SMARCE1: variants seen among roughly 807,000 people sequenced by gnomAD.
SMARCE1 encodes the protein SWI/SNF related BAF chromatin remodeling complex subunit E1.
SMARCE1 carries 13 observed loss-of-function variants against 54.9 expected under a neutral mutation model. The ratio of observed to expected loss-of-function variants is 0.24; its 90% confidence interval spans 0.15 to 0.38. The LOEUF (loss-of-function observed/expected upper bound fraction) is 0.38. SMARCE1 is among the 10% of genes least tolerant of loss of function. The pLI is 1.00. For synonymous variants in SMARCE1, 151 were observed against 175.3 expected, an observed-to-expected ratio of 0.86 and a Z score of 1.10; for missense variants, 295 against 523.8, an observed-to-expected ratio of 0.56 and a Z score of 4.26.
chr17:40,642,509 G>A lies in SMARCE1; in HGVS notation c.102C>T (p.Leu34=), dbSNP rs1567848949. Residue 34 remains leucine, a synonymous_variant, in exon 4 of 11, where the codon CTC becomes CTT. Transcript: ENST00000348513. This position sits in a 1 kb window ranked among gnomAD's most constrained non-coding sequence, Gnocchi z 4.6. ...GFVGYNPYSH[L]AYNNYRLGGN... ...CTCCCAGCCTGTAGTTGTTGTAGGC[G>A]AGATGACTGTATGGATTGTATCCCA... The A allele has an allele frequency of 3.1e-6, 5 of 1,612,500 alleles. No homozygotes were observed. The highest frequency in any genetic ancestry group is 3.4e-6 in the Non-Finnish European group (4 of 1,179,640).
At chr17:40,637,279 A>C in intron 5 of SMARCE1, 1 of 571,606 alleles carries the variant, frequency 1.7e-6, no homozygotes. Flanking sequence ...TTCTATCTTA[A>C]GGATTTTAAC....
chr17:40,636,243 C>T (rs939298161), intron 6 of SMARCE1, 141 bp from the exon 7 acceptor site: 1 of 1,168,636 alleles, frequency 8.6e-7, no homozygotes, highest in East Asian at 2.4e-5. Context: ...GGCAAGAAAT[C>T]TGAGGCCTTG....
At chr17:40,630,084 G>A (rs1716237883) in intron 10 of SMARCE1, 5 of 597,678 alleles carry the variant, frequency 8.4e-6, no homozygotes, top group Admixed American at 3.1e-5. Flanking sequence ...TGTTTACACA[G>A]TGTACTAGGC....
At chr17:40,629,548 A>T in intron 10 of SMARCE1, 1 of 1,221,854 alleles carries the variant, frequency 8.2e-7, no homozygotes, top group African/African-American at 1.6e-5. Context: ...CACTTTGTTT[A>T]AAGTCATGCT....
intron 4 of SMARCE1, chr17:40,641,725 G>A (rs187303226): frequency 6.6e-6 from 1 of 152,094 alleles, no homozygotes; most frequent in Non-Finnish European, 1.5e-5. Context: ...AATTTAAGAT[G>A]ATTCTAAACT....
In SMARCE1 at chr17:40,632,083, C is replaced by T. The variant is rs558790634; in HGVS notation, c.714+112G>A. The T allele has an allele frequency of 3.0e-5, 25 of 829,770 alleles. No homozygotes were observed. The African/African-American group carries it at 3.9e-4, about 13-fold the overall frequency. The allele number at this position is 829,770 out of a possible 1,614,324, so 51.4% of individuals were successfully genotyped here. On this transcript the variant is annotated intron_variant, in intron 8 of 10. Transcript: ENST00000348513. ...TTAAACCTCTTCTCCAAATCAGGAA[C>T]AGGTTAGATTGACATATTTAACAGG...
chr17:40,631,327 G>T (rs1481458079), intron 9 of SMARCE1: 1 of 367,608 alleles, frequency 2.7e-6, no homozygotes, highest in Non-Finnish European at 4.9e-6. Context: ...ATTAATGACT[G>T]TATGGGAGTT....
intron 7 of SMARCE1, chr17:40,633,652 T>C (rs1376100990): frequency 1.4e-5 from 2 of 147,742 alleles, no homozygotes; most frequent in African/African-American, 2.4e-5. Flanking sequence ...AAGTAGTTCC[T>C]AAAATTCTCA....
rs1458576011 is a variant in SMARCE1 at position 40,628,955 on chromosome 17, T to A, written c.1066A>T (p.Asn356Tyr). The change falls in exon 11 of 11, where the codon AAT (asparagine) becomes TAT (tyrosine). Residue 356 changes from asparagine to tyrosine, a missense_variant. By Grantham distance (143) the Asn-to-Tyr change is moderately radical (BLOSUM62 -2). Transcript: ENST00000348513. Reference protein sequence around the residue: ...HLEETTESQQNGEEGTSTPED... With the variant: ...HLEETTESQQYGEEGTSTPED... The stretch of plus-strand genomic sequence containing the variant: ...GGAGTAGACGTGCCTTCTTCACCAT[T>A]CTGTTGGCTCTCTGTTGTTTCTTCA... 1 of 1,613,870 alleles carries A rather than the reference T, an allele frequency of 6.2e-7. No individual in the cohort carries two copies.
chr17:40,638,799 A>G (rs1047201837), intron 4 of SMARCE1, among the ~76,000 whole-genome samples: 1 of 152,156 alleles, frequency 6.6e-6, no homozygotes, highest in Non-Finnish European at 1.5e-5. Flanking sequence ...AGGAAAACTA[A>G]AGTAACATTT....
At chr17:40,629,511 G>C in intron 10 of SMARCE1, 1 of 1,222,602 alleles carries the variant, frequency 8.2e-7, no homozygotes, top group Non-Finnish European at 1.0e-6. Context: ...AGCAGTTGTA[G>C]AAATAATATA....
rs1249157105 is a variant in SMARCE1 at position 40,630,817 on chromosome 17, T to C, written c.924A>G (p.Ala308=). The C allele has an allele frequency of 6.2e-7, 1 of 1,614,002 alleles. No individual in the cohort carries two copies. The highest frequency in any genetic ancestry group is 1.7e-5 in the Admixed American group (1 of 59,998). The change falls in exon 10 of 11, where the codon GCA becomes GCG. Residue 308 remains alanine (A), a synonymous_variant. Transcript: ENST00000348513. ...TGCTCTGACTGCGCTCAGCTTGCTC[T>C]GCGGCCTCCTTCTCCCTTTCCTCCT... ...KRQEEREKEA[A]EQAERSQSSI...
intron 9 of SMARCE1, 128 bp from the exon 10 acceptor site, chr17:40,631,052 G>T: frequency 4.3e-6 from 3 of 692,858 alleles, no homozygotes; most frequent in South Asian, 2.1e-5. Context: ...GTATGTGTGT[G>T]TGTGTGTGCC....
At chr17:40,646,216 C>G (rs2037254981) in intron 1 of SMARCE1, among the ~76,000 whole-genome samples, 2 of 152,134 alleles carry the variant, frequency 1.3e-5, no homozygotes, top group African/African-American at 2.4e-5. Context: ...CAAGGCCTAC[C>G]AGATACTGAC....
intron 4 of SMARCE1, chr17:40,641,796 T>C (rs1318218908): frequency 6.6e-6 from 1 of 152,260 alleles, no homozygotes; most frequent in Non-Finnish European, 1.5e-5. Context: ...AAATGAAACA[T>C]GCTAAGTTTC....
At chr17:40,644,971 A>C (rs2037239722) in intron 3 of SMARCE1, 1 of 152,310 alleles carries the variant, frequency 6.6e-6, no homozygotes, top group Non-Finnish European at 1.5e-5. Flanking sequence ...AAGCTGGGCC[A>C]GAGCTTCCTG....
chr17:40,636,558 T>G (rs758602231), intron 5 of SMARCE1, 32 bp from the exon 6 acceptor site: 3 of 1,578,524 alleles, frequency 1.9e-6, no homozygotes, highest in Non-Finnish European at 1.7e-6. Flanking sequence ...ATGTTAATAC[T>G]GATGTCTAAA....
chr17:40,626,811 T>A lies in SMARCE1; in HGVS notation c.*1974A>T, dbSNP rs1049110785. The A allele has an allele frequency of 8.0e-6, 1 of 124,726 alleles. No individual in the cohort carries two copies. Among genetic ancestry groups the A allele is most frequent in the East Asian group, 2.4e-4 (1 of 4,222 alleles). 7.7% of individuals were successfully genotyped at this position (124,726 alleles called of 1,614,324 possible). A position where few individuals can be genotyped will look rare whatever the true frequency, so the allele number is the denominator to read the frequency against. On this transcript the variant is annotated 3_prime_UTR_variant, in exon 11 of 11. Coordinates refer to ENST00000348513, the MANE Select transcript of SMARCE1 (RefSeq NM_003079.5). ...ATTGCTTGAACCTGGGAGGTGGAGGTTGCAGTGAGCTGAGATCGCCACCAC... is the reference window on the plus strand; with the variant it reads ...ATTGCTTGAACCTGGGAGGTGGAGGATGCAGTGAGCTGAGATCGCCACCAC...
intron 7 of SMARCE1, 28 bp downstream of exon 7, chr17:40,635,902 TA>T: frequency 6.6e-7 from 1 of 1,510,506 alleles, no homozygotes; most frequent in Non-Finnish European, 8.9e-7. Context: ...AGAGAAAGCA[TA>T]AACAAAACCC....
Sources: gnomAD v4.1 joint callset for allele counts (sites outside exome capture counted in the v4.1 genomes callset) on GRCh38, gnomAD v4.1.1 for gene constraint, Gnocchi (gnomAD v3.1) non-coding constraint, MANE v1.5 for transcripts, NCBI Gene and HGNC (gene_info 2026-07-23, HGNC 2026-07-21) for gene names.